PRR27: variants seen among roughly 807,000 people sequenced by gnomAD.
The protein encoded by PRR27 is proline rich 27.
PRR27 carries 12 observed loss-of-function variants against 16.8 expected under a neutral mutation model. The ratio of observed to expected loss-of-function variants is 0.71; its 90% CI spans 0.46 to 1.16. The LOEUF is 1.16. Ranked by LOEUF, PRR27 falls within the 50% of genes most tolerant of loss-of-function variation. The pLI, the probability that PRR27 is intolerant of heterozygous loss-of-function variation, is 0.00. For missense variants in PRR27, 277 were observed against 273.3 expected (o/e 1.01, Z -0.10); for synonymous variants, 100 against 98.4 (o/e 1.02, Z -0.10).
Position 70,158,725 on chromosome 4 carries a change from CTG to C in PRR27, c.474_475del (p.Ala159CysfsTer8). On this transcript the variant is annotated frameshift_variant, in exon 3 of 5. Transcript: ENST00000344526. LOFTEE classifies it high-confidence loss of function. ...GCAGGGGCCCCTGTTGCAGCTGAGC[CTG>C]CTGCAGAGGCACCTGTTGGAGCTGA... The C allele has an allele frequency of 1.3e-6, 2 of 1,578,650 alleles. No homozygotes were observed.
In PRR27 at chr4:70,164,227, A is replaced by C. The variant is rs1259884338; in HGVS notation, c.*1566A>C. ...TCTGTGTCTTATTCAGCACTTTATC[A>C]GGGCCTATAACAATGCCTGGGACAT... On this transcript the variant is annotated 3_prime_UTR_variant, in exon 5 of 5. Transcript: ENST00000344526. 1 of 152,186 alleles carries C rather than the reference A, an allele frequency of 6.6e-6. No individual in the cohort carries two copies. Among genetic ancestry groups the C allele is most frequent in the East Asian group, 1.9e-4 (1 of 5,204 alleles). The allele number at this position is 152,186 out of a possible 1,614,324, so 9.4% of individuals were successfully genotyped here. A position where few individuals can be genotyped will look rare whatever the true frequency, so the allele number is the denominator to read the frequency against.
rs1728726849 is a variant in PRR27 at position 70,164,718 on chromosome 4, A to G, written c.*2057A>G. ...ACTTAAAGAAGAATTTGTAAATATG[A>G]CTGTATAAGAAACAACAGAAAGATG... On this transcript the variant is annotated 3_prime_UTR_variant, in exon 5 of 5. Coordinates refer to ENST00000344526, the MANE Select transcript of PRR27 (RefSeq NM_214711.4). 6.6e-6 allele frequency: 1 copy of G among 152,140 alleles called. No individual in the cohort carries two copies. The highest frequency in any genetic ancestry group is 2.4e-5 in the African/African-American group (1 of 41,440). The allele number at this position is 152,140 out of a possible 1,614,324, so 9.4% of individuals were successfully genotyped here.
In PRR27 at chr4:70,155,850, A is replaced by G. The variant is rs1728463765; in HGVS notation, c.52-204A>G. ...CCAAAATCCATCCAGCCAAAGTAAA[A>G]CTCCCTGAGGAAATTGTTTAGGTCA... On this transcript the variant is annotated intron_variant, in intron 1 of 4. Transcript: ENST00000344526. Among the ~76,000 whole-genome samples, 4 of 151,948 alleles carry G rather than the reference A, an allele frequency of 2.6e-5. No homozygotes were observed. The South Asian group carries it at 8.3e-4, about 32-fold the overall frequency.
intron 3 of PRR27, among the ~76,000 whole-genome samples, chr4:70,161,130 C>G (rs1321734132): frequency 3.0e-5 from 4 of 132,020 alleles, no homozygotes; most frequent in African/African-American, 5.8e-5. Flanking sequence ...CAAGCACTTT[C>G]CATCTGCTGG....
Position 70,162,782 on chromosome 4 carries a change from T to C in PRR27, c.*121T>C, listed in dbSNP as rs1728677320. On this transcript the variant is annotated 3_prime_UTR_variant, in exon 5 of 5. Transcript: ENST00000344526. The stretch of plus-strand genomic sequence containing the variant: ...TTCTGTTGTATTCAGAGTATTCATC[T>C]CACTACATTGATTTGTTTGTGGTAG... 1 of 152,208 alleles carries C rather than the reference T, an allele frequency of 6.6e-6. No homozygotes were observed. Among genetic ancestry groups the C allele is most frequent in the Admixed American group, 6.5e-5 (1 of 15,288 alleles). The allele number at this position is 152,208 out of a possible 1,614,324, so 9.4% of individuals were successfully genotyped here.
rs893600521 is a variant in PRR27 at position 70,165,659 on chromosome 4, C to T, written c.*2998C>T. 4 of 152,040 alleles carry T rather than the reference C, an allele frequency of 2.6e-5. No homozygotes were observed. Among genetic ancestry groups the T allele is most frequent in the Admixed American group, 2.0e-4 (3 of 15,248 alleles). 9.4% of individuals were successfully genotyped at this position (152,040 alleles called of 1,614,324 possible). A position where few individuals can be genotyped will look rare whatever the true frequency, so the allele number is the denominator to read the frequency against. Reference sequence around the variant, plus strand: ...TTTGATCGATATTAAGATACATTTGCAGAGTTTTGTATGTGTGTTTATATC... The same window carrying T: ...TTTGATCGATATTAAGATACATTTGTAGAGTTTTGTATGTGTGTTTATATC... On this transcript the variant is annotated 3_prime_UTR_variant, in exon 5 of 5. Transcript: ENST00000344526.
chr4:70,158,601 T>C lies in PRR27; in HGVS notation c.349T>C (p.Phe117Leu). 1 of 1,614,044 alleles carries C rather than the reference T, an allele frequency of 6.2e-7. No individual in the cohort carries two copies. The highest frequency in any genetic ancestry group is 1.1e-5 in the South Asian group (1 of 91,082). ...RGFPFVPPSR[F>L]FSAAAAPAAP... ...TTTCCCGTTTGTCCCTCCTTCAAGG[T>C]TTTTTTCAGCAGCTGCAGCACCCGC... is the stretch of plus-strand genomic sequence containing the variant. Residue 117 changes from phenylalanine to leucine, a missense_variant, in exon 3 of 5, where the codon TTT (phenylalanine) becomes CTT (leucine). Phe to Leu is a conservative substitution (Grantham distance 22). Coordinates refer to ENST00000344526, the MANE Select transcript of PRR27 (RefSeq NM_214711.4).
rs1257319969 is a variant in PRR27 at position 70,164,923 on chromosome 4, CATCTT to C, written c.*2266_*2270del. ...TTTGGAATTTTAAAAATAAACATGA[CATCTT>C]ATCATGAGAAACATTTACAGTTTTT... On this transcript the variant is annotated 3_prime_UTR_variant, in exon 5 of 5. Coordinates refer to ENST00000344526, the MANE Select transcript of PRR27 (RefSeq NM_214711.4). 3 of 152,172 alleles carry C rather than the reference CATCTT, an allele frequency of 2.0e-5. No homozygotes were observed. Among genetic ancestry groups the C allele is most frequent in the Non-Finnish European group, 2.9e-5 (2 of 67,946 alleles). The allele number at this position is 152,172 out of a possible 1,614,324, so 9.4% of individuals were successfully genotyped here. A position where few individuals can be genotyped will look rare whatever the true frequency, so the allele number is the denominator to read the frequency against.
At chr4:70,155,325 T>C (rs547298113) in intron 1 of PRR27, among the ~76,000 whole-genome samples, 1 of 151,772 alleles carries the variant, frequency 6.6e-6, no homozygotes, top group Admixed American at 6.6e-5. Context: ...TCTGGTACTG[T>C]GAAGAGGTGG....
chr4:70,161,417 A>G (rs1219884606), intron 3 of PRR27, among the ~76,000 whole-genome samples, 169 bp from the exon 4 acceptor site: 2 of 151,632 alleles, frequency 1.3e-5, no homozygotes, highest in Non-Finnish European at 2.9e-5. Context: ...TCTCTGTTTC[A>G]GAAAGCTAAA....
At chr4:70,161,156 G>GTATATATATATATATATATATATATA (rs371303125) in intron 3 of PRR27, among the ~76,000 whole-genome samples, 30 of 93,894 alleles carry the variant, frequency 3.2e-4, no homozygotes, top group African/African-American at 1.1e-3. Context: ...TATGAACACT[G>GTATATATATATATATATATATATATA]TATATATATA....
At position 70,158,497 on chromosome 4, in the gene PRR27, C is replaced by T. The variant is rs751634032; in HGVS notation, c.245C>T (p.Pro82Leu). 6.2e-7 allele frequency: 1 copy of T among 1,614,150 alleles called. No homozygotes were observed. The highest frequency in any genetic ancestry group is 8.5e-7 in the Non-Finnish European group (1 of 1,180,018). The change falls in exon 3 of 5, where the codon CCT becomes CTT. Residue 82 changes from proline to leucine, a missense_variant. Pro to Leu is a moderately conservative substitution (Grantham distance 98). Transcript: ENST00000344526. ...TCGTATCCCTGGATTCTAACTTCTC[C>T]TGGATTCCCCTATGTCTATCACATC... ...LPSYPWILTS[P>L]GFPYVYHIRG...
intron 1 of PRR27, 145 bp from the exon 2 acceptor site, chr4:70,155,909 A>G: frequency 1.7e-6 from 1 of 581,954 alleles, no homozygotes; most frequent in Non-Finnish European, 3.0e-6. Flanking sequence ...CGATGATAAA[A>G]AAAAATTCAT....
chr4:70,154,851 T>A, intron 1 of PRR27: 1 of 946,932 alleles, frequency 1.1e-6, no homozygotes, highest in African/African-American at 1.7e-5. Flanking sequence ...ACATCATACC[T>A]TTAGTGGACT....
intron 1 of PRR27, 68 bp from the exon 2 acceptor site, chr4:70,155,986 T>C (rs964621665): frequency 1.2e-5 from 12 of 990,174 alleles, no homozygotes; most frequent in Non-Finnish European, 1.8e-5. Flanking sequence ...TTTTCAGCAA[T>C]ATGGAAATGT....
intron 2 of PRR27, 116 bp downstream of exon 2, chr4:70,156,193 A>T: frequency 2.0e-6 from 1 of 499,916 alleles, no homozygotes; most frequent in Non-Finnish European, 3.5e-6. Context: ...TATTGCTCTT[A>T]AAATAATAGT....
At chr4:70,154,617 T>G in intron 1 of PRR27, 191 bp downstream of exon 1, 1 of 843,768 alleles carries the variant, frequency 1.2e-6, no homozygotes, top group East Asian at 2.8e-5. Context: ...AGTTGTAGTA[T>G]CTGAAAATAG....
intron 4 of PRR27, 78 bp downstream of exon 4, chr4:70,161,708 T>A: frequency 1.6e-6 from 1 of 626,134 alleles, no homozygotes; most frequent in Non-Finnish European, 2.6e-6. Flanking sequence ...TACCTTGGAA[T>A]GTATTATATT....
rs1046582640 is a variant in PRR27 at position 70,165,838 on chromosome 4, T to A, written c.*3177T>A. ...TTACGATTAAGAAATGTTCACACCT[T>A]CACACTGGTATCAACTGCAACAACC... On this transcript the variant is annotated 3_prime_UTR_variant, in exon 5 of 5. Coordinates refer to ENST00000344526, the MANE Select transcript of PRR27 (RefSeq NM_214711.4). The A allele has an allele frequency of 6.6e-6, 1 of 152,140 alleles. No homozygotes were observed. Among genetic ancestry groups the A allele is most frequent in the Non-Finnish European group, 1.5e-5 (1 of 67,986 alleles). 9.4% of individuals were successfully genotyped at this position (152,140 alleles called of 1,614,324 possible).
Sources: gnomAD v4.1 joint callset for allele counts (sites outside exome capture counted in the v4.1 genomes callset) on GRCh38, gnomAD v4.1.1 for gene constraint, MANE v1.5 for transcripts, NCBI Gene and HGNC (gene_info 2026-07-23, HGNC 2026-07-21) for gene names.